Variants in USP45 observed in about 807,000 individuals in gnomAD.
The protein encoded by USP45 is ubiquitin specific peptidase 45.
A neutral mutation model predicts 95.8 loss-of-function variants in USP45; 89 were observed. The observed-to-expected ratio is 0.93, with a 90% confidence interval of 0.78 to 1.11. The LOEUF (loss-of-function observed/expected upper bound fraction) is 1.11. Among genes scored for constraint, USP45 ranks in the 50% least tolerant of loss-of-function variants. The pLI is 0.00. For missense variants in USP45, 898 were observed against 942.5 expected (o/e 0.95, Z 0.62); for synonymous variants, 281 against 316.2 (o/e 0.89, Z 1.18).
intron 13 of USP45, chr6:99,460,935 G>GA (rs1239643558): frequency 4.3e-5 from 42 of 983,384 alleles, no homozygotes; most frequent in Non-Finnish European, 4.8e-5. Context: ...GGGATGTATA[G>GA]AAAAAACAGC....
At chr6:99,441,724 C>T (rs893565584) in intron 15 of USP45, among the ~76,000 whole-genome samples, 31 of 152,100 alleles carry the variant, frequency 2.0e-4, no homozygotes, top group African/African-American at 6.5e-4. Flanking sequence ...TTTTGCCTTT[C>T]TTTTGCTGGG....
intron 13 of USP45, chr6:99,461,722 A>C (rs1786506432): frequency 1.0e-6 from 1 of 985,072 alleles, no homozygotes; most frequent in African/African-American, 1.7e-5. Flanking sequence ...AAACTCAAAA[A>C]CTTATGATCA....
intron 13 of USP45, chr6:99,461,450 CTAT>C (rs1437605712): frequency 1.0e-6 from 1 of 985,238 alleles, no homozygotes; most frequent in Non-Finnish European, 1.2e-6. Flanking sequence ...CCTCCTGTTA[CTAT>C]TTTTTCTGTA....
At chr6:99,506,156 T>C (rs1583459561) in intron 4 of USP45, among the ~76,000 whole-genome samples, 1 of 152,180 alleles carries the variant, frequency 6.6e-6, no homozygotes, top group East Asian at 1.9e-4. Flanking sequence ...AAAATATTTT[T>C]ATGTTAAAGA....
chr6:99,494,759 T>A (rs1401908780), intron 5 of USP45, among the ~76,000 whole-genome samples: 1 of 152,116 alleles, frequency 6.6e-6, no homozygotes, highest in East Asian at 1.9e-4. Context: ...CTGGGCATGG[T>A]GGCGCTTGCC....
rs187610659 is a variant in USP45, at chr6:99,435,095, C to A, written c.*621G>T. ...AACTACACCGTATTAGGTGTTACTT[C>A]ATGAAATTATGTGTTATAGCAGTTT... On this transcript the variant is annotated 3_prime_UTR_variant, in exon 18 of 18. Transcript: ENST00000500704. 1 of 152,496 alleles carries A rather than the reference C, an allele frequency of 6.6e-6. No homozygotes were observed. Among genetic ancestry groups the A allele is most frequent in the Non-Finnish European group, 1.5e-5 (1 of 68,014 alleles). The allele number at this position is 152,496 out of a possible 1,614,324, so 9.4% of individuals were successfully genotyped here. A position where few individuals can be genotyped will look rare whatever the true frequency, so the allele number is the denominator to read the frequency against.
chr6:99,440,069 C>A (rs1422498741), intron 15 of USP45, among the ~76,000 whole-genome samples: 1 of 152,110 alleles, frequency 6.6e-6, no homozygotes, highest in Non-Finnish European at 1.5e-5. Context: ...ATTTTTACCA[C>A]AAACAATAGG....
chr6:99,457,190 T>C (rs1562331721), intron 13 of USP45, among the ~76,000 whole-genome samples: 1 of 152,084 alleles, frequency 6.6e-6, no homozygotes, highest in African/African-American at 2.4e-5. Flanking sequence ...ACCTCTGTCC[T>C]GTGGTCCTGT....
At chr6:99,462,773 A>G in intron 13 of USP45, 1 of 783,628 alleles carries the variant, frequency 1.3e-6, no homozygotes, top group Middle Eastern at 6.4e-4. Flanking sequence ...TGAGGTCATC[A>G]GGAGTTTGAG....
chr6:99,478,122 G>T (rs1791332834), intron 8 of USP45, among the ~76,000 whole-genome samples: 1 of 151,726 alleles, frequency 6.6e-6, no homozygotes, highest in Admixed American at 6.6e-5. Flanking sequence ...AAGAGAAACT[G>T]CCTCCACCAT....
intron 1 of USP45, among the ~76,000 whole-genome samples, chr6:99,513,870 T>C (rs1272590474): frequency 6.6e-6 from 1 of 152,296 alleles, no homozygotes; most frequent in Non-Finnish European, 1.5e-5. Context: ...CAATACTTTT[T>C]ATCATCAAAA....
At chr6:99,496,726 CT>C (rs1796376794) in intron 5 of USP45, among the ~76,000 whole-genome samples, 1 of 151,878 alleles carries the variant, frequency 6.6e-6, no homozygotes, top group Non-Finnish European at 1.5e-5. Flanking sequence ...AGTGAGAAAT[CT>C]CTGAGACTTT....
chr6:99,464,377 T>C (rs1347685010), intron 13 of USP45, among the ~76,000 whole-genome samples: 1 of 152,216 alleles, frequency 6.6e-6, no homozygotes, highest in African/African-American at 2.4e-5. Context: ...ATTTGGGATT[T>C]ATTTCAAAAA....
chr6:99,485,055 C>A (rs1014534245), intron 7 of USP45, among the ~76,000 whole-genome samples: 2 of 151,634 alleles, frequency 1.3e-5, no homozygotes, highest in African/African-American at 4.8e-5. Context: ...TTAGACCTGG[C>A]GCAGTGGCTC....
At chr6:99,476,818 T>C (rs1301686735) in intron 8 of USP45, among the ~76,000 whole-genome samples, 1 of 152,222 alleles carries the variant, frequency 6.6e-6, no homozygotes, top group African/African-American at 2.4e-5. Flanking sequence ...AGTGTTTCTA[T>C]TTCATATAAA....
intron 7 of USP45, among the ~76,000 whole-genome samples, chr6:99,487,833 A>G (rs1042579375): frequency 1.3e-5 from 2 of 152,064 alleles, no homozygotes; most frequent in Non-Finnish European, 2.9e-5. Flanking sequence ...CACTATTAAA[A>G]TTTCATCTTT....
At chr6:99,465,611 G>C (rs554806624) in intron 11 of USP45, among the ~76,000 whole-genome samples, 1 of 152,128 alleles carries the variant, frequency 6.6e-6, no homozygotes, top group Non-Finnish European at 1.5e-5. Context: ...GAATAGTCTA[G>C]AAACTTAAAT....
chr6:99,486,653 T>TA, intron 7 of USP45, among the ~76,000 whole-genome samples: 1 of 151,266 alleles, frequency 6.6e-6, no homozygotes, highest in South Asian at 2.1e-4. Flanking sequence ...ATGTTATATA[T>TA]ATAATAATAC....
intron 7 of USP45, among the ~76,000 whole-genome samples, chr6:99,483,459 A>G (rs1448135472): frequency 6.6e-6 from 1 of 152,182 alleles, no homozygotes; most frequent in Admixed American, 6.5e-5. Context: ...TCTGGTTTCT[A>G]AAGTACTATC....
Sources: allele counts gnomAD v4.1 joint callset (sites outside exome capture counted in the v4.1 genomes callset), GRCh38; gene constraint gnomAD v4.1.1; transcripts MANE v1.5; gene names NCBI Gene and HGNC (gene_info 2026-07-23, HGNC 2026-07-21).